The following DPYSL2 variants were observed in gnomAD, a reference collection of about 807,000 sequenced individuals.
DPYSL2 encodes the protein dihydropyrimidinase like 2, also known as dihydropyrimidinase-related protein 2.
DPYSL2 carries 13 observed loss-of-function variants against 69.9 expected under a neutral mutation model. That is an observed-to-expected ratio of 0.19 (90% confidence interval 0.12 to 0.30). DPYSL2 has a LOEUF of 0.30. Ranked by LOEUF, DPYSL2 falls within the 10% of genes least tolerant of loss-of-function variation. DPYSL2 has a pLI of 1.00. For missense variants in DPYSL2, 587 were observed against 918.9 expected, an observed-to-expected ratio of 0.64 and a Z score of 4.67; for synonymous variants, 326 against 359.1, an observed-to-expected ratio of 0.91 and a Z score of 1.04.
chr8:26,577,127 G>C, intron 1 of DPYSL2: 1 of 443,440 alleles, frequency 2.3e-6, no homozygotes, highest in South Asian at 1.6e-5. Flanking sequence ...CTCCTTCCCG[G>C]CTCGGAGTTG....
intron 1 of DPYSL2, among the ~76,000 whole-genome samples, chr8:26,536,948 CTATT>C (rs1800601505): frequency 6.6e-6 from 1 of 152,074 alleles, no homozygotes; most frequent in South Asian, 2.1e-4. Context: ...CAGAGGGACT[CTATT>C]TGGGAATAGG....
At chr8:26,639,151 G>A (rs866955194) in intron 8 of DPYSL2, among the ~76,000 whole-genome samples, 5 of 152,236 alleles carry the variant, frequency 3.3e-5, no homozygotes, top group African/African-American at 1.2e-4. Context: ...TGGTCGCAGG[G>A]CCTGTGAGGA....
At chr8:26,600,258 C>G (rs1801961790) in intron 3 of DPYSL2, among the ~76,000 whole-genome samples, 1 of 152,084 alleles carries the variant, frequency 6.6e-6, no homozygotes, top group South Asian at 2.1e-4. Flanking sequence ...GTTTTCTGTT[C>G]TCTTGGGTAT....
At chr8:26,603,663 C>G (rs1802044392) in intron 3 of DPYSL2, among the ~76,000 whole-genome samples, 1 of 152,190 alleles carries the variant, frequency 6.6e-6, no homozygotes, top group African/African-American at 2.4e-5. Flanking sequence ...CACTAACTCC[C>G]CATTCCCACC....
At position 26,557,623 on chromosome 8, in the gene DPYSL2, C is replaced by CA. The variant is rs56215906; in HGVS notation, c.355-24327dup. Among the ~76,000 whole-genome samples, 682 of 74,322 alleles carry CA rather than the reference C, an allele frequency of 9.2e-3. 40 individuals carry two copies. The highest frequency in any genetic ancestry group is 0.073 in the South Asian group (104 of 1,426). 48.8% of individuals were successfully genotyped at this position (74,322 alleles called of 152,430 possible). A position where few individuals can be genotyped will look rare whatever the true frequency, so the allele number is the denominator to read the frequency against. On this transcript the variant is annotated intron_variant, in intron 1 of 13. Coordinates refer to ENST00000521913, the MANE Select transcript of DPYSL2 (RefSeq NM_001197293.3). ...CAAAACCCTGTCTCTACTAAAAATA[C>CA]AAAAAAAAAAAAAAAAAAAGCCAGG... is the stretch of plus-strand genomic sequence containing the variant.
intron 3 of DPYSL2, among the ~76,000 whole-genome samples, chr8:26,603,026 G>C (rs767027901): frequency 1.3e-5 from 2 of 152,138 alleles, no homozygotes; most frequent in African/African-American, 2.4e-5. Flanking sequence ...AGAAGAATTT[G>C]GTAGATGAGT....
intron 10 of DPYSL2, among the ~76,000 whole-genome samples, chr8:26,646,882 C>A (rs1401473437): frequency 6.6e-6 from 1 of 151,846 alleles, no homozygotes; most frequent in African/African-American, 2.4e-5. Context: ...ACTCAAGAGG[C>A]TGAAAGAGGA....
chr8:26,544,347 G>A (rs894591621), intron 1 of DPYSL2, among the ~76,000 whole-genome samples: 3 of 152,154 alleles, frequency 2.0e-5, no homozygotes, highest in African/African-American at 7.2e-5. Context: ...ATATAGTAAT[G>A]TGTACTGCTC....
At position 26,564,229 on chromosome 8, in the gene DPYSL2, A is replaced by G. The variant is rs35020075; in HGVS notation, c.355-17740A>G. Among the ~76,000 whole-genome samples, 1 of 152,272 alleles carries G rather than the reference A, an allele frequency of 6.6e-6. No homozygotes were observed. The highest frequency in any genetic ancestry group is 1.9e-4 in the East Asian group (1 of 5,184). ...CTAATGGAGTCAGGCGAAGAGGCCA[A>G]CTGTAGTGGGTTGAGAAGCAAATGG... On this transcript the variant is annotated intron_variant, in intron 1 of 13. Coordinates refer to ENST00000521913, the MANE Select transcript of DPYSL2 (RefSeq NM_001197293.3). The surrounding 1 kb of genome is among the most constrained non-coding windows in gnomAD (Gnocchi z 4.8).
chr8:26,541,196 AT>A (rs1800680158), intron 1 of DPYSL2, among the ~76,000 whole-genome samples: 1 of 152,238 alleles, frequency 6.6e-6, no homozygotes, highest in South Asian at 2.1e-4. Flanking sequence ...CTGTAAGAAT[AT>A]TAGTGGATTT....
chr8:26,580,612 A>G lies in DPYSL2; in HGVS notation c.355-1357A>G, dbSNP rs1801470470. 6.6e-6 allele frequency among the ~76,000 whole-genome samples: 1 copy of G among 152,204 alleles called. No homozygotes were observed. Among genetic ancestry groups the G allele is most frequent in the African/African-American group, 2.4e-5 (1 of 41,444 alleles). ...GGTGTGTGTATTTATGTGTAAAATT[A>G]TCTTTTTTCCTTGCTCTCTAGTAGC... On this transcript the variant is annotated intron_variant, in intron 1 of 13. Coordinates refer to ENST00000521913, the MANE Select transcript of DPYSL2 (RefSeq NM_001197293.3). This position sits in a 1 kb window ranked among gnomAD's most constrained non-coding sequence, Gnocchi z 4.1.
Position 26,655,599 on chromosome 8 carries a change from T to C in DPYSL2, c.1943-16T>C. On this transcript the variant is annotated splice_polypyrimidine_tract_variant and intron_variant, in intron 13 of 13. Transcript: ENST00000521913. ...CCTGGCCCCTCACCCGCTCCTCTCTTCTCCTCTCCCTCCAGGTGCTCAGAT... is the reference window on the plus strand; with the variant it reads ...CCTGGCCCCTCACCCGCTCCTCTCTCCTCCTCTCCCTCCAGGTGCTCAGAT... 3.1e-6 allele frequency: 5 copies of C among 1,593,508 alleles called. No individual in the cohort carries two copies. The highest frequency in any genetic ancestry group is 4.3e-6 in the Non-Finnish European group (5 of 1,165,350).
rs560053256 is a variant in DPYSL2, at chr8:26,514,524, C to A, written c.199C>A (p.Gln67Lys). ...VGRGSGQVVA[Q>K]QRDVAHLGPD... ...CCGGGGCTCGGGGCAGGTGGTGGCTCAGCAGCGGGACGTCGCCCACTTGGG... is the reference window on the plus strand; with the variant it reads ...CCGGGGCTCGGGGCAGGTGGTGGCTAAGCAGCGGGACGTCGCCCACTTGGG... Residue 67 changes from glutamine (Q) to lysine (K), a missense_variant, in exon 1 of 14, where the codon CAG becomes AAG. By Grantham distance (53) the Gln-to-Lys change is moderately conservative (BLOSUM62 1). Around this residue, in one of 3 missense-constraint regions of DPYSL2, gnomAD observed 85 missense variants for 77.7 expected, o/e 1.09. Transcript: ENST00000521913. This position sits in a 1 kb window ranked among gnomAD's most constrained non-coding sequence, Gnocchi z 8.4. 7.9e-5 allele frequency: 121 copies of A among 1,530,000 alleles called. No individual in the cohort carries two copies. In the African/African-American group the frequency reaches 1.4e-3, roughly 18 times the overall value. The allele number at this position is 1,530,000 out of a possible 1,614,324, so 94.8% of individuals were successfully genotyped here. A position where few individuals can be genotyped will look rare whatever the true frequency, so the allele number is the denominator to read the frequency against.
At position 26,606,818 on chromosome 8, in the gene DPYSL2, T is replaced by C. The variant is rs181590817; in HGVS notation, c.629-17325T>C. Among the ~76,000 whole-genome samples, 14 of 152,304 alleles carry C rather than the reference T, an allele frequency of 9.2e-5. No individual in the cohort carries two copies. The South Asian group carries it at 1.2e-3, about 14-fold the overall frequency. Reference sequence around the variant, plus strand: ...ATATAAATAATACTTCAGGCAAATATGATAAACTTAATAAATGTCAATTCT... The same window carrying C: ...ATATAAATAATACTTCAGGCAAATACGATAAACTTAATAAATGTCAATTCT... On this transcript the variant is annotated intron_variant, in intron 3 of 13. Transcript: ENST00000521913.
Position 26,617,808 on chromosome 8 carries a change from G to A in DPYSL2, c.629-6335G>A, listed in dbSNP as rs774458646. ...CCTGAATAAACAAATCTATGGAGAC[G>A]GGAAGTAGATTGATGGTGGCCAGGG... is the stretch of plus-strand genomic sequence containing the variant. On this transcript the variant is annotated intron_variant, in intron 3 of 13. Transcript: ENST00000521913. The surrounding 1 kb of genome is among the most constrained non-coding windows in gnomAD (Gnocchi z 4.7). Among the ~76,000 whole-genome samples, 16 of 152,264 alleles carry A rather than the reference G, an allele frequency of 1.1e-4. No homozygotes were observed. The highest frequency in any genetic ancestry group is 3.6e-4 in the African/African-American group (15 of 41,562).
At chr8:26,602,815 G>A (rs1458353603) in intron 3 of DPYSL2, among the ~76,000 whole-genome samples, 2 of 152,220 alleles carry the variant, frequency 1.3e-5, no homozygotes, top group African/African-American at 4.8e-5. Flanking sequence ...AAAATGAAAT[G>A]TGAAGATTGC....
At chr8:26,590,751 C>T (rs1287777743) in intron 3 of DPYSL2, among the ~76,000 whole-genome samples, 1 of 152,230 alleles carries the variant, frequency 6.6e-6, no homozygotes, top group African/African-American at 2.4e-5. Context: ...CTGAGCAGAG[C>T]GGAGGGATCT....
At chr8:26,594,247 G>A (rs1302727025) in intron 3 of DPYSL2, among the ~76,000 whole-genome samples, 3 of 152,178 alleles carry the variant, frequency 2.0e-5, no homozygotes, top group African/African-American at 7.2e-5. Flanking sequence ...CTATTTGAAA[G>A]TAATCATTGT....
At chr8:26,520,732 A>G (rs748633652) in intron 1 of DPYSL2, among the ~76,000 whole-genome samples, 1 of 152,196 alleles carries the variant, frequency 6.6e-6, no homozygotes, top group South Asian at 2.1e-4. Context: ...GTGACAACAA[A>G]TTACCATGAC....
Sources: allele counts gnomAD v4.1 joint callset (sites outside exome capture counted in the v4.1 genomes callset), GRCh38; gene constraint gnomAD v4.1.1; regional missense constraint gnomAD v4.1.1; non-coding constraint Gnocchi (gnomAD v3.1); transcripts MANE v1.5; gene names NCBI Gene and HGNC (gene_info 2026-07-23, HGNC 2026-07-21).